PTPRK: variants seen among roughly 807,000 people sequenced by gnomAD.
PTPRK encodes protein tyrosine phosphatase receptor type K.
PTPRK carries 75 observed loss-of-function variants against 178.0 expected under a neutral mutation model. That is an observed-to-expected ratio of 0.42 (90% CI 0.35 to 0.51). The LOEUF is 0.51. Ranked by LOEUF, PTPRK falls within the 20% of genes least tolerant of loss-of-function variation. The probability of loss-of-function intolerance (pLI) is 0.02; values close to 1 mark genes in which losing one functional copy is unlikely to be tolerated. For missense variants in PTPRK, 1,441 were observed against 1,797.8 expected (o/e 0.80, Z 3.59); for synonymous variants, 637 against 620.6 (o/e 1.03, Z -0.39).
intron 4 of PTPRK, among the ~76,000 whole-genome samples, chr6:128,241,070 C>T (rs1244500878): frequency 6.6e-6 from 1 of 152,190 alleles, no homozygotes; most frequent in Non-Finnish European, 1.5e-5. Flanking sequence ...GATAAAAACA[C>T]AGCTCTCTTA....
At chr6:128,444,858 G>A (rs1285658379) in intron 1 of PTPRK, among the ~76,000 whole-genome samples, 1 of 152,106 alleles carries the variant, frequency 6.6e-6, no homozygotes, top group Non-Finnish European at 1.5e-5. Context: ...ATTTATATGA[G>A]CAGGTGAAAT....
chr6:128,168,337 C>T (rs1223461177), intron 7 of PTPRK, among the ~76,000 whole-genome samples: 2 of 151,974 alleles, frequency 1.3e-5, no homozygotes, highest in South Asian at 4.1e-4. Flanking sequence ...GAAAGTTGAA[C>T]AACCATTATA....
At chr6:128,331,494 T>A (rs112024153) in intron 2 of PTPRK, among the ~76,000 whole-genome samples, 1 of 151,710 alleles carries the variant, frequency 6.6e-6, no homozygotes, top group African/African-American at 2.4e-5. Context: ...AAAAAAAGAG[T>A]AAAATTTGAA....
intron 18 of PTPRK, among the ~76,000 whole-genome samples, chr6:127,993,547 C>T (rs1425251012): frequency 1.1e-4 from 16 of 151,604 alleles, no homozygotes; most frequent in Admixed American, 1.3e-4. Context: ...TGTCCACATA[C>T]TGGTGTGGGC....
At chr6:128,079,787 T>C (rs1203684697) in intron 10 of PTPRK, among the ~76,000 whole-genome samples, 1 of 152,042 alleles carries the variant, frequency 6.6e-6, no homozygotes, top group Non-Finnish European at 1.5e-5. Context: ...TTATGAAAAG[T>C]AAGAGTCTTA....
intron 7 of PTPRK, among the ~76,000 whole-genome samples, chr6:128,109,650 A>C (rs1054239849): frequency 1.3e-5 from 2 of 152,200 alleles, no homozygotes; most frequent in African/African-American, 4.8e-5. Flanking sequence ...CTGGTGATCC[A>C]TTCATACCTA....
chr6:128,282,433 A>C (rs2128303056), intron 3 of PTPRK, among the ~76,000 whole-genome samples: 1 of 152,302 alleles, frequency 6.6e-6, no homozygotes, highest in South Asian at 2.1e-4. Flanking sequence ...AAATCCCAGA[A>C]GTTCAGTAGC....
intron 1 of PTPRK, among the ~76,000 whole-genome samples, chr6:128,486,680 G>A (rs1352386437): frequency 2.0e-5 from 3 of 151,920 alleles, no homozygotes; most frequent in Non-Finnish European, 4.4e-5. Flanking sequence ...GCATGTGCCT[G>A]CAGCATCCAC....
chr6:128,169,739 T>C (rs1799954710), intron 7 of PTPRK, among the ~76,000 whole-genome samples: 1 of 151,766 alleles, frequency 6.6e-6, no homozygotes, highest in African/African-American at 2.4e-5. Context: ...TTGTTATTGT[T>C]AAGCATTTCT....
intron 7 of PTPRK, among the ~76,000 whole-genome samples, chr6:128,136,930 G>A (rs777341847): frequency 1.3e-5 from 2 of 152,086 alleles, no homozygotes; most frequent in Non-Finnish European, 2.9e-5. Flanking sequence ...GTTCTGAAGT[G>A]GACCTTATTG....
intron 2 of PTPRK, among the ~76,000 whole-genome samples, chr6:128,371,484 A>G (rs1836274484): frequency 2.6e-5 from 4 of 152,196 alleles, no homozygotes; most frequent in African/African-American, 9.7e-5. Flanking sequence ...ATTAGTTACT[A>G]TTAAAACCTG....
chr6:128,430,532 C>A (rs557689704), intron 1 of PTPRK, among the ~76,000 whole-genome samples: 12 of 152,144 alleles, frequency 7.9e-5, no homozygotes, highest in African/African-American at 2.4e-4. Context: ...AATATATTAC[C>A]TACCTTTAAT....
intron 1 of PTPRK, chr6:128,501,143 G>A (rs571842537): frequency 6.6e-6 from 1 of 151,516 alleles, no homozygotes; most frequent in South Asian, 2.1e-4. Flanking sequence ...CTGCCAAAGT[G>A]CTGGATTACA....
At chr6:128,515,183 C>A (rs1857786398) in intron 1 of PTPRK, among the ~76,000 whole-genome samples, 1 of 152,104 alleles carries the variant, frequency 6.6e-6, no homozygotes, top group African/African-American at 2.4e-5. Flanking sequence ...TTGTCTATCC[C>A]CATTTATAAA....
Position 128,067,607 on chromosome 6 carries a change from T to C in PTPRK, c.2069A>G (p.Asn690Ser), listed in dbSNP as rs1394498557. 2.5e-6 allele frequency: 4 copies of C among 1,613,168 alleles called. No homozygotes were observed. Among genetic ancestry groups the C allele is most frequent in the Non-Finnish European group, 3.4e-6 (4 of 1,179,474 alleles). Reference protein sequence around the residue: ...PEPAPFTVGDNRTYQGFWNPP... With the variant: ...PEPAPFTVGDSRTYQGFWNPP... ...GTTCCAAAAGCCTTGGTAGGTCCGA[T>C]TGTCACCCACAGTGAACGGGGCAGG... Residue 690 changes from asparagine to serine, a missense_variant, in exon 12 of 30, where the codon AAT becomes AGT. Transcript: ENST00000368226.
chr6:128,463,517 C>T (rs1035643779), intron 1 of PTPRK, among the ~76,000 whole-genome samples: 8 of 152,052 alleles, frequency 5.3e-5, no homozygotes, highest in Non-Finnish European at 8.8e-5. Context: ...CCAACGTTTA[C>T]CAACCATTCA....
Position 128,520,568 on chromosome 6 carries a change from CTCCAT to C in PTPRK, c.-215_-211del, listed in dbSNP as rs1858909157. On this transcript the variant is annotated 5_prime_UTR_variant, in exon 1 of 30. It removes an upstream start codon present in the reference 5' UTR. Transcript: ENST00000368226. The stretch of plus-strand genomic sequence containing the variant: ...TCGCCGGCCGGCCGCGGCGGCAGCT[CTCCAT>C]GCTCGGCGGAGGCTGCTCCTGTTAG... The C allele has an allele frequency of 1.8e-6, 1 of 561,764 alleles. No homozygotes were observed. The highest frequency in any genetic ancestry group is 3.2e-6 in the Non-Finnish European group (1 of 310,812). The allele number at this position is 561,764 out of a possible 1,614,324, so 34.8% of individuals were successfully genotyped here. A position where few individuals can be genotyped will look rare whatever the true frequency, so the allele number is the denominator to read the frequency against.
chr6:127,985,990 C>A, intron 21 of PTPRK, 115 bp from the exon 22 acceptor site: 12 of 988,902 alleles, frequency 1.2e-5, no homozygotes, highest in South Asian at 8.5e-5. Flanking sequence ...AAAACCTTTA[C>A]GAAAGACTAT....
chr6:128,445,436 T>C (rs1414607873), intron 1 of PTPRK, among the ~76,000 whole-genome samples: 6 of 149,700 alleles, frequency 4.0e-5, no homozygotes, highest in Non-Finnish European at 5.9e-5. Context: ...CATCATCTAT[T>C]GTATTAGTCC....
Sources: allele counts gnomAD v4.1 joint callset (sites outside exome capture counted in the v4.1 genomes callset), GRCh38; gene constraint gnomAD v4.1.1; transcripts MANE v1.5; gene names NCBI Gene and HGNC (gene_info 2026-07-23, HGNC 2026-07-21).